The following UNC80 variants were observed in gnomAD, a reference collection of about 807,000 sequenced individuals.
UNC80 encodes the protein protein unc-80 homolog.
A neutral mutation model predicts 384.6 loss-of-function variants in UNC80; 164 were observed. That is an observed-to-expected ratio of 0.43 (90% CI 0.38 to 0.49). The LOEUF (loss-of-function observed/expected upper bound fraction) is 0.49. Ranked by LOEUF, UNC80 falls within the 20% of genes least tolerant of loss-of-function variation. UNC80 has a pLI of 0.00. For synonymous variants in UNC80, 1,486 were observed against 1,527.8 expected (o/e 0.97, Z 0.64); for missense variants, 3,330 against 4,143.0 (o/e 0.80, Z 5.39).
chr2:209,958,315 G>A (rs2092478454), intron 49 of UNC80, among the ~76,000 whole-genome samples: 1 of 152,110 alleles, frequency 6.6e-6, no homozygotes, highest in Admixed American at 6.6e-5. Context: ...AGCCTAATTA[G>A]CTTCCTCCTA....
In UNC80 at chr2:209,775,936, A is replaced by G. The variant is rs2076836257; in HGVS notation, c.189A>G (p.Pro63=). 6.2e-7 allele frequency: 1 copy of G among 1,614,102 alleles called. No homozygotes were observed. The highest frequency in any genetic ancestry group is 8.5e-7 in the Non-Finnish European group (1 of 1,180,018). Residue 63 remains proline (P), a synonymous_variant, in exon 3 of 65, where the codon CCA becomes CCG. Transcript: ENST00000673920. The part of the protein sequence containing the change: ...LVENKLHGLS[P]ALSEAIQSIS... ...AAAACAAGCTGCATGGCCTCTCTCC[A>G]GCTCTCTCTGAAGCCATCCAGAGCA...
intron 36 of UNC80, among the ~76,000 whole-genome samples, chr2:209,927,723 T>C (rs1358744849): frequency 1.3e-5 from 2 of 152,046 alleles, no homozygotes; most frequent in African/African-American, 2.4e-5. Flanking sequence ...TAGAACAGAG[T>C]TTCATGATAT....
At chr2:209,822,109 AAT>A (rs1413622480) in intron 13 of UNC80, among the ~76,000 whole-genome samples, 1 of 152,114 alleles carries the variant, frequency 6.6e-6, no homozygotes, top group African/African-American at 2.4e-5. Context: ...TTTTCTTCCC[AAT>A]ATTTGTGGAC....
intron 7 of UNC80, 132 bp downstream of exon 7, chr2:209,793,991 T>G: frequency 9.4e-7 from 1 of 1,066,844 alleles, no homozygotes; most frequent in Non-Finnish European, 1.3e-6. Context: ...ATATTCTTGG[T>G]CAAAGTATAA....
intron 37 of UNC80, among the ~76,000 whole-genome samples, chr2:209,930,473 T>G (rs1431794298): frequency 6.6e-6 from 1 of 152,168 alleles, no homozygotes; most frequent in Non-Finnish European, 1.5e-5. Flanking sequence ...TAAGTTTAGT[T>G]TCTGAAAGGT....
At chr2:209,921,822 C>A in intron 34 of UNC80, 136 bp downstream of exon 34, 2 of 1,100,488 alleles carry the variant, frequency 1.8e-6, no homozygotes, top group African/African-American at 1.6e-5. Context: ...TGACGCTAAC[C>A]AAAGAAAGAG....
intron 58 of UNC80, among the ~76,000 whole-genome samples, chr2:209,977,806 A>T (rs957922579): frequency 2.0e-5 from 3 of 152,220 alleles, no homozygotes; most frequent in Non-Finnish European, 4.4e-5. Flanking sequence ...ATTACTGAGG[A>T]AGGAAAATAA....
chr2:209,829,843 A>G (rs1481886744), intron 15 of UNC80, among the ~76,000 whole-genome samples: 2 of 152,260 alleles, frequency 1.3e-5, no homozygotes, highest in African/African-American at 2.4e-5. Context: ...TGCAGTAAAC[A>G]TAGTAGTAAC....
chr2:209,815,630 T>C (rs554403855), intron 9 of UNC80, among the ~76,000 whole-genome samples: 33 of 152,190 alleles, frequency 2.2e-4, no homozygotes, highest in Non-Finnish European at 4.0e-4. Context: ...TCAATTCTGA[T>C]CATATGCATA....
intron 22 of UNC80, among the ~76,000 whole-genome samples, chr2:209,866,527 C>CACACACACACACACACACACAT (rs774958486): frequency 2.2e-5 from 2 of 90,994 alleles, no homozygotes; most frequent in African/African-American, 9.2e-5. Context: ...CACACACACA[C>CACACACACACACACACACACAT]ACACACAGAG....
intron 59 of UNC80, among the ~76,000 whole-genome samples, chr2:209,979,858 T>C (rs907822145): frequency 5.9e-5 from 9 of 152,180 alleles, no homozygotes; most frequent in East Asian, 1.9e-4. Context: ...AAAGCTCTAC[T>C]CTGAACTAAA....
intron 6 of UNC80, among the ~76,000 whole-genome samples, chr2:209,792,965 T>C (rs1404149967): frequency 1.3e-5 from 2 of 152,232 alleles, no homozygotes; most frequent in African/African-American, 4.8e-5. Context: ...AAGACTTAAT[T>C]CATGAAATTT....
chr2:209,994,291 G>C, intron 64 of UNC80, 27 bp downstream of exon 64: 1 of 1,529,726 alleles, frequency 6.5e-7, no homozygotes, highest in Non-Finnish European at 8.8e-7. Flanking sequence ...AACAGGCAAG[G>C]CTTGCTCCCT....
At chr2:209,975,664 C>A (rs2092993754) in intron 56 of UNC80, among the ~76,000 whole-genome samples, 1 of 151,928 alleles carries the variant, frequency 6.6e-6, no homozygotes, top group African/African-American at 2.4e-5. Context: ...TTTAGTAACA[C>A]AAATATTTAT....
chr2:209,804,598 A>G (rs1460490885), intron 7 of UNC80, among the ~76,000 whole-genome samples: 2 of 151,910 alleles, frequency 1.3e-5, no homozygotes, highest in Non-Finnish European at 2.9e-5. Context: ...CACATCTACA[A>G]ATCTCTGAGA....
intron 21 of UNC80, 99 bp from the exon 22 acceptor site, chr2:209,849,352 T>G (rs2082365023): frequency 7.3e-7 from 1 of 1,360,924 alleles, no homozygotes; most frequent in African/African-American, 1.5e-5. Context: ...TGGCCAACAC[T>G]GTAGAAAACA....
chr2:209,904,544 GT>G (rs774077740), intron 28 of UNC80, among the ~76,000 whole-genome samples: 13 of 152,164 alleles, frequency 8.5e-5, no homozygotes, highest in Non-Finnish European at 1.3e-4. Flanking sequence ...ACCTTTTAAT[GT>G]TTCAAAGAGA....
chr2:209,866,527 C>CACACACACACACACACACAT (rs774958486), intron 22 of UNC80, among the ~76,000 whole-genome samples: 15 of 90,982 alleles, frequency 1.6e-4, no homozygotes, highest in African/African-American at 6.4e-4. Context: ...CACACACACA[C>CACACACACACACACACACAT]ACACACAGAG....
chr2:209,849,746 T>C (rs1446469066), intron 22 of UNC80, 123 bp downstream of exon 22: 1 of 1,051,496 alleles, frequency 9.5e-7, no homozygotes, highest in Admixed American at 2.8e-5. Flanking sequence ...TCAGAATTAG[T>C]GATAAAAGGG....
Sources: allele counts gnomAD v4.1 joint callset (sites outside exome capture counted in the v4.1 genomes callset), GRCh38; gene constraint gnomAD v4.1.1; transcripts MANE v1.5; gene names NCBI Gene and HGNC (gene_info 2026-07-23, HGNC 2026-07-21).